Variants in NKAIN3 observed in about 807,000 individuals in gnomAD.
NKAIN3 encodes sodium/potassium-transporting ATPase subunit beta-1-interacting protein 3.
In NKAIN3, 25 loss-of-function variants were observed where a neutral mutation model predicts 30.2. The observed-to-expected ratio is 0.83, with a 90% CI of 0.60 to 1.16. NKAIN3 has a LOEUF of 1.16. Ranked by LOEUF, NKAIN3 falls within the 50% of genes most tolerant of loss-of-function variation. The probability of loss-of-function intolerance (pLI) is 0.00; values close to 1 mark genes in which losing one functional copy is unlikely to be tolerated. For synonymous variants in NKAIN3, 91 were observed against 89.6 expected, an observed-to-expected ratio of 1.02 and a Z score of -0.09; for missense variants, 225 against 254.1, an observed-to-expected ratio of 0.89 and a Z score of 0.78.
intron 3 of NKAIN3, among the ~76,000 whole-genome samples, chr8:62,638,229 C>T (rs2130290835): frequency 6.6e-6 from 1 of 152,242 alleles, no homozygotes; most frequent in East Asian, 1.9e-4. Context: ...AGGAGGAGGA[C>T]TGATTTTGGA....
chr8:62,476,539 C>T (rs1460135375), intron 1 of NKAIN3, among the ~76,000 whole-genome samples: 1 of 152,012 alleles, frequency 6.6e-6, no homozygotes, highest in African/African-American at 2.4e-5. Flanking sequence ...TCACTGTAAC[C>T]TCCACCTCCT....
intron 1 of NKAIN3, among the ~76,000 whole-genome samples, chr8:62,380,462 A>G (rs1817239876): frequency 6.6e-6 from 1 of 152,172 alleles, no homozygotes; most frequent in African/African-American, 2.4e-5. Context: ...GGCTCATTAG[A>G]TAATCCAGCA....
At chr8:62,790,565 G>C (rs868724648) in intron 4 of NKAIN3, among the ~76,000 whole-genome samples, 76 of 122,042 alleles carry the variant, frequency 6.2e-4, no homozygotes, top group South Asian at 2.3e-3. Flanking sequence ...GTGTGTGTGT[G>C]TGTCTGTCTG....
chr8:62,337,534 C>T (rs1215173565), intron 1 of NKAIN3, among the ~76,000 whole-genome samples: 1 of 150,784 alleles, frequency 6.6e-6, no homozygotes, highest in Admixed American at 6.6e-5. Flanking sequence ...CAAGTAGTTG[C>T]TAGCCCTTGT....
At chr8:62,441,515 A>G (rs1037024885) in intron 1 of NKAIN3, among the ~76,000 whole-genome samples, 3 of 151,912 alleles carry the variant, frequency 2.0e-5, no homozygotes, top group African/African-American at 4.8e-5. Flanking sequence ...TAAATATTTT[A>G]TCTTGTGAGT....
At chr8:62,816,564 T>C (rs1036331101) in intron 4 of NKAIN3, among the ~76,000 whole-genome samples, 5 of 152,122 alleles carry the variant, frequency 3.3e-5, no homozygotes, top group Non-Finnish European at 5.9e-5. Context: ...GGGGAGTACA[T>C]ACATTAGCTC....
chr8:62,733,291 T>C lies in NKAIN3; in HGVS notation c.274-13641T>C, dbSNP rs147286708. Among the ~76,000 whole-genome samples the C allele has an allele frequency of 9.7e-4, 148 of 152,316 alleles. 1 individual carries two copies. Among genetic ancestry groups the C allele is most frequent in the African/African-American group, 3.2e-3 (132 of 41,584 alleles). The stretch of plus-strand genomic sequence containing the variant: ...TTTTGTCTCATATGAATAATATTTA[T>C]GGGAATTTGCCTATCTTCTAGGACC... On this transcript the variant is annotated intron_variant, in intron 3 of 6. Coordinates refer to ENST00000623646, the MANE Select transcript of NKAIN3 (RefSeq NM_001304533.3).
rs191510050 is a variant in NKAIN3 at position 62,310,641 on chromosome 8, G to A, written c.54+61514G>A. 8.2e-4 allele frequency among the ~76,000 whole-genome samples: 123 copies of A among 150,416 alleles called. 16 individuals carry two copies. Among genetic ancestry groups the A allele is most frequent in the African/African-American group, 3.1e-3 (122 of 39,858 alleles). ...GAAAGTGTAAATAAAGTAAAAGTGG[G>A]TGGTGCCCCATTGTTTGAAGTGTCT... is the stretch of plus-strand genomic sequence containing the variant. On this transcript the variant is annotated intron_variant, in intron 1 of 6. Transcript: ENST00000623646.
intron 1 of NKAIN3, among the ~76,000 whole-genome samples, chr8:62,440,332 A>T (rs1048497721): frequency 6.6e-6 from 1 of 152,182 alleles, no homozygotes; most frequent in Non-Finnish European, 1.5e-5. Flanking sequence ...TTCACTGGGG[A>T]TGAAAAGCTG....
At position 62,412,162 on chromosome 8, in the gene NKAIN3, A is replaced by G. The variant is rs190819959; in HGVS notation, c.54+163035A>G. On this transcript the variant is annotated intron_variant, in intron 1 of 6. Coordinates refer to ENST00000623646, the MANE Select transcript of NKAIN3 (RefSeq NM_001304533.3). ...CAAAGGCATCACACTAACCAAATTC[A>G]AACTATACTATAAAGATATAGTAAT... is the stretch of plus-strand genomic sequence containing the variant. 4.7e-4 allele frequency among the ~76,000 whole-genome samples: 72 copies of G among 152,356 alleles called. 1 individual carries two copies. The Middle Eastern group carries it at 0.031, about 65-fold the overall frequency.
intron 1 of NKAIN3, among the ~76,000 whole-genome samples, chr8:62,279,110 G>A (rs566967901): frequency 1.3e-5 from 2 of 149,342 alleles, no homozygotes; most frequent in African/African-American, 2.4e-5. Context: ...GTTTTGATTT[G>A]CATTTCTCTT....
chr8:62,325,575 T>C (rs1815088750), intron 1 of NKAIN3, among the ~76,000 whole-genome samples: 1 of 152,156 alleles, frequency 6.6e-6, no homozygotes, highest in African/African-American at 2.4e-5. Flanking sequence ...TCCACAGTGT[T>C]TGTACTAGTT....
At chr8:62,287,281 C>T (rs1290568261) in intron 1 of NKAIN3, among the ~76,000 whole-genome samples, 2 of 151,746 alleles carry the variant, frequency 1.3e-5, no homozygotes, top group East Asian at 2.0e-4. Flanking sequence ...CTGACAGGTG[C>T]GTAAGGCAAA....
chr8:62,373,207 T>C (rs901297365), intron 1 of NKAIN3, among the ~76,000 whole-genome samples: 4 of 152,188 alleles, frequency 2.6e-5, no homozygotes, highest in African/African-American at 9.6e-5. Flanking sequence ...TAGAGGTTAC[T>C]CTAAAAGACT....
At chr8:62,893,862 G>T (rs1012816484) in intron 4 of NKAIN3, among the ~76,000 whole-genome samples, 1 of 152,330 alleles carries the variant, frequency 6.6e-6, no homozygotes, top group Admixed American at 6.5e-5. Context: ...GATTGAGTTT[G>T]TTGTAAAACA....
chr8:62,807,846 T>C (rs979186714), intron 4 of NKAIN3, among the ~76,000 whole-genome samples: 2 of 150,770 alleles, frequency 1.3e-5, no homozygotes. Context: ...CATACAATTT[T>C]ATCAATTTTA....
intron 1 of NKAIN3, among the ~76,000 whole-genome samples, chr8:62,416,121 G>A (rs1804437465): frequency 6.6e-6 from 1 of 152,094 alleles, no homozygotes; most frequent in South Asian, 2.1e-4. Flanking sequence ...TCACTGCCGT[G>A]TCTAAGGTCT....
intron 3 of NKAIN3, among the ~76,000 whole-genome samples, chr8:62,605,565 G>T (rs1057078420): frequency 4.6e-5 from 7 of 151,932 alleles, no homozygotes; most frequent in Non-Finnish European, 8.8e-5. Flanking sequence ...CCACATCCAT[G>T]CATTCAACCA....
At chr8:62,280,355 A>G (rs547819533) in intron 1 of NKAIN3, among the ~76,000 whole-genome samples, 2 of 152,234 alleles carry the variant, frequency 1.3e-5, no homozygotes, top group African/African-American at 2.4e-5. Context: ...TCCTAATTGC[A>G]TATCCTTTAT....
Sources: gnomAD v4.1 joint callset for allele counts (sites outside exome capture counted in the v4.1 genomes callset) on GRCh38, gnomAD v4.1.1 for gene constraint, MANE v1.5 for transcripts, NCBI Gene and HGNC (gene_info 2026-07-23, HGNC 2026-07-21) for gene names.